Variants in PARP8 observed in about 807,000 individuals in gnomAD.
The protein encoded by PARP8 is protein mono-ADP-ribosyltransferase PARP8.
A neutral mutation model predicts 124.1 loss-of-function variants in PARP8; 51 were observed. The observed-to-expected ratio is 0.41, with a 90% CI of 0.33 to 0.52. The LOEUF (loss-of-function observed/expected upper bound fraction) is 0.52, where lower values mean the gene tolerates loss of function less well. PARP8 is among the 20% of genes least tolerant of loss of function. The probability of loss-of-function intolerance (pLI) is 0.21; values close to 1 mark genes in which losing one functional copy is unlikely to be tolerated. For missense variants in PARP8, 860 were observed against 1,018.9 expected (o/e 0.84, Z 2.12); for synonymous variants, 391 against 361.5 (o/e 1.08, Z -0.93).
chr5:50,693,641 A>G (rs1206121275), intron 2 of PARP8, among the ~76,000 whole-genome samples: 1 of 151,572 alleles, frequency 6.6e-6, no homozygotes, highest in Non-Finnish European at 1.5e-5. Flanking sequence ...TATTACATAC[A>G]TTAATTATAT....
At chr5:50,741,629 G>C (rs1758049429) in intron 2 of PARP8, among the ~76,000 whole-genome samples, 1 of 152,080 alleles carries the variant, frequency 6.6e-6, no homozygotes, top group Non-Finnish European at 1.5e-5. Context: ...TTTTGATCCT[G>C]TTACTTCACG....
At chr5:50,820,615 A>C (rs1745653455) in intron 15 of PARP8, among the ~76,000 whole-genome samples, 1 of 152,210 alleles carries the variant, frequency 6.6e-6, no homozygotes, top group African/African-American at 2.4e-5. Context: ...GTTGTCAGGC[A>C]ATTAGCTATT....
chr5:50,754,798 C>G (rs1759730421), intron 3 of PARP8, among the ~76,000 whole-genome samples: 1 of 152,176 alleles, frequency 6.6e-6, no homozygotes, highest in South Asian at 2.1e-4. Context: ...ACAGTCCCAC[C>G]AACAGTGTAA....
intron 2 of PARP8, among the ~76,000 whole-genome samples, chr5:50,740,522 G>A (rs1757937585): frequency 6.6e-6 from 1 of 152,080 alleles, no homozygotes; most frequent in Non-Finnish European, 1.5e-5. Context: ...GGGGCTTTAG[G>A]TGCTATTAAA....
chr5:50,739,072 A>G (rs1757761817), intron 2 of PARP8: 2 of 702,502 alleles, frequency 2.8e-6, no homozygotes, highest in Non-Finnish European at 5.2e-6. Context: ...AGGAGGAGCA[A>G]GAGACTTCCC....
chr5:50,815,304 G>C (rs1423822607), intron 14 of PARP8, 128 bp from the exon 15 acceptor site: 2 of 584,960 alleles, frequency 3.4e-6, no homozygotes, highest in African/African-American at 3.9e-5. Context: ...TATTAAAATG[G>C]TATGATTTCC....
intron 7 of PARP8, among the ~76,000 whole-genome samples, chr5:50,770,401 C>T (rs1482496574): frequency 4.6e-5 from 7 of 151,990 alleles, no homozygotes; most frequent in Non-Finnish European, 4.4e-5. Flanking sequence ...ACATGCCTCA[C>T]GATTTTATTT....
At chr5:50,726,309 A>G (rs1163759223) in intron 2 of PARP8, among the ~76,000 whole-genome samples, 1 of 152,148 alleles carries the variant, frequency 6.6e-6, no homozygotes, top group African/African-American at 2.4e-5. Flanking sequence ...GCGTAGTACA[A>G]AAAAGGTGTT....
At chr5:50,782,466 G>T (rs1335323614) in intron 9 of PARP8, among the ~76,000 whole-genome samples, 3 of 152,114 alleles carry the variant, frequency 2.0e-5, no homozygotes, top group Admixed American at 2.0e-4. Context: ...TATATGAATA[G>T]AACTGGAGAC....
At chr5:50,784,142 T>A (rs1483264296) in intron 9 of PARP8, among the ~76,000 whole-genome samples, 2 of 152,168 alleles carry the variant, frequency 1.3e-5, no homozygotes, top group African/African-American at 4.8e-5. Context: ...AATTCAAGAT[T>A]TAGACTGACC....
chr5:50,704,132 G>A (rs959763321), intron 2 of PARP8, among the ~76,000 whole-genome samples: 1 of 151,996 alleles, frequency 6.6e-6, no homozygotes, highest in Non-Finnish European at 1.5e-5. Context: ...CTAGCAGAGA[G>A]GTTGCCAAAT....
chr5:50,696,588 G>A (rs1310224969), intron 2 of PARP8, among the ~76,000 whole-genome samples: 1 of 152,028 alleles, frequency 6.6e-6, no homozygotes. Context: ...TTTTCCCTTT[G>A]CTCTGATATC....
intron 2 of PARP8, among the ~76,000 whole-genome samples, chr5:50,689,863 G>A (rs1047122498): frequency 1.8e-4 from 28 of 152,132 alleles, no homozygotes; most frequent in Admixed American, 5.2e-4. Flanking sequence ...TCTATTGGAG[G>A]GTTCTTTTGG....
intron 16 of PARP8, 114 bp downstream of exon 16, chr5:50,821,452 G>A: frequency 1.7e-6 from 2 of 1,145,294 alleles, no homozygotes; most frequent in South Asian, 1.5e-5. Context: ...ATCTCATCAA[G>A]CATATCCATG....
In PARP8 at chr5:50,822,258, A is replaced by G. The variant is rs1456935160; in HGVS notation, c.1795-77A>G. 4 of 987,974 alleles carry G rather than the reference A, an allele frequency of 4.0e-6. No homozygotes were observed. The African/African-American group carries it at 4.9e-5, about 12-fold the overall frequency. The allele number at this position is 987,974 out of a possible 1,614,324, so 61.2% of individuals were successfully genotyped here. A position where few individuals can be genotyped will look rare whatever the true frequency, so the allele number is the denominator to read the frequency against. On this transcript the variant is annotated intron_variant, in intron 16 of 25. Transcript: ENST00000281631. ...GAAAATTCACATATGGAAATAATATATTTCTCTAGTGATATACAGACTTGC... is the reference window on the plus strand; with the variant it reads ...GAAAATTCACATATGGAAATAATATGTTTCTCTAGTGATATACAGACTTGC...
intron 7 of PARP8, among the ~76,000 whole-genome samples, chr5:50,769,231 T>C (rs1182696074): frequency 1.3e-5 from 2 of 152,090 alleles, no homozygotes; most frequent in African/African-American, 4.8e-5. Flanking sequence ...TGAAGTAATC[T>C]GAAAAACTAT....
rs546651007 is a variant in PARP8 at position 50,687,058 on chromosome 5, G to A, written c.146+18933G>A. 9.3e-4 allele frequency among the ~76,000 whole-genome samples: 142 copies of A among 152,170 alleles called. 2 individuals carry two copies. In the South Asian group the frequency reaches 0.012, roughly 13 times the overall value. ...AGCTTGAATTTCTCCTCAGAAAATG[G>A]GTTTTTCTTTTCTATCACATTGTCA... On this transcript the variant is annotated intron_variant, in intron 2 of 25. Coordinates refer to ENST00000281631, the MANE Select transcript of PARP8 (RefSeq NM_024615.4).
intron 3 of PARP8, among the ~76,000 whole-genome samples, chr5:50,754,049 A>C (rs1185555080): frequency 1.4e-5 from 2 of 142,674 alleles, no homozygotes; most frequent in Non-Finnish European, 3.0e-5. Context: ...GGTTTTCAGA[A>C]AAAAAAAAAA....
At chr5:50,744,504 GAA>G (rs1421826315) in intron 2 of PARP8, among the ~76,000 whole-genome samples, 1 of 152,090 alleles carries the variant, frequency 6.6e-6, no homozygotes, top group Non-Finnish European at 1.5e-5. Flanking sequence ...GCTTTCAGAG[GAA>G]AAAGAGGTGA....
Sources: gnomAD v4.1 joint callset for allele counts (sites outside exome capture counted in the v4.1 genomes callset) on GRCh38, gnomAD v4.1.1 for gene constraint, MANE v1.5 for transcripts, NCBI Gene and HGNC (gene_info 2026-07-23, HGNC 2026-07-21) for gene names.